Variants in NELL1 observed in about 807,000 individuals in gnomAD.
NELL1 encodes the protein neural EGFL like 1.
In NELL1, 76 loss-of-function variants were observed where a neutral mutation model predicts 107.4. That is an observed-to-expected ratio of 0.71 (90% confidence interval 0.59 to 0.86). NELL1 has a LOEUF of 0.86. Ranked by LOEUF, NELL1 falls within the 40% of genes least tolerant of loss-of-function variation. NELL1 has a pLI of 0.00. For missense variants in NELL1, 1,024 were observed against 1,005.5 expected (o/e 1.02, Z -0.25); for synonymous variants, 353 against 341.2 (o/e 1.03, Z -0.38).
chr11:21,108,662 G>A (rs771741220), intron 12 of NELL1, among the ~76,000 whole-genome samples: 8 of 152,064 alleles, frequency 5.3e-5, no homozygotes, highest in Non-Finnish European at 1.2e-4. Context: ...AGTCTCAAGC[G>A]TTATGAGTAG....
At chr11:21,276,222 T>A (rs942157574) in intron 14 of NELL1, among the ~76,000 whole-genome samples, 31 of 152,166 alleles carry the variant, frequency 2.0e-4, no homozygotes, top group Non-Finnish European at 4.1e-4. Flanking sequence ...ACAAAATCAA[T>A]GTGCAAAAAT....
intron 15 of NELL1, among the ~76,000 whole-genome samples, chr11:21,518,240 T>C (rs1055596029): frequency 1.3e-5 from 2 of 152,262 alleles, no homozygotes; most frequent in Non-Finnish European, 2.9e-5. Context: ...ACTTTTTCAT[T>C]ATGATGGTTA....
At chr11:20,903,478 A>AT (rs1849923433) in intron 5 of NELL1, among the ~76,000 whole-genome samples, 1 of 151,976 alleles carries the variant, frequency 6.6e-6, no homozygotes, top group Non-Finnish European at 1.5e-5. Flanking sequence ...GAACTGACAC[A>AT]TTTTTTTCAC....
chr11:20,694,236 TC>T (rs1854552920), intron 2 of NELL1, among the ~76,000 whole-genome samples: 1 of 152,144 alleles, frequency 6.6e-6, no homozygotes, highest in Non-Finnish European at 1.5e-5. Context: ...TTGAATTTCC[TC>T]CTGTAGCTCG....
At chr11:21,521,523 A>AT (rs35932463) in intron 15 of NELL1, among the ~76,000 whole-genome samples, 54,430 of 151,712 alleles carry the variant, frequency 0.36, 11,601 homozygotes, top group Non-Finnish European at 0.49. Flanking sequence ...TATATTGGTG[A>AT]TTTTTTTTGG....
At chr11:21,123,208 A>G (rs900392275) in intron 13 of NELL1, among the ~76,000 whole-genome samples, 3 of 152,184 alleles carry the variant, frequency 2.0e-5, no homozygotes, top group African/African-American at 7.2e-5. Context: ...TATACCTTAG[A>G]AAGATAAATA....
intron 17 of NELL1, among the ~76,000 whole-genome samples, chr11:21,561,023 A>G (rs781650031): frequency 6.6e-6 from 1 of 152,066 alleles, no homozygotes; most frequent in Non-Finnish European, 1.5e-5. Flanking sequence ...AAATGGGTCT[A>G]TTAAACTGTT....
At chr11:21,002,592 C>T (rs1249753165) in intron 12 of NELL1, among the ~76,000 whole-genome samples, 1 of 152,162 alleles carries the variant, frequency 6.6e-6, no homozygotes, top group Non-Finnish European at 1.5e-5. Context: ...TGCATTAAAC[C>T]TGCCTCTACA....
chr11:21,237,074 A>G (rs1437790205), intron 14 of NELL1, among the ~76,000 whole-genome samples: 3 of 152,078 alleles, frequency 2.0e-5, no homozygotes, highest in Non-Finnish European at 4.4e-5. Flanking sequence ...GAGATCTGTT[A>G]TGATACAGCC....
chr11:21,277,630 CA>C (rs1377921948), intron 14 of NELL1, among the ~76,000 whole-genome samples: 1 of 152,116 alleles, frequency 6.6e-6, no homozygotes, highest in African/African-American at 2.4e-5. Flanking sequence ...TTCATAATAG[CA>C]AAAACTTGGA....
intron 11 of NELL1, among the ~76,000 whole-genome samples, chr11:20,954,701 A>G (rs2134207112): frequency 6.6e-6 from 1 of 152,334 alleles, no homozygotes; most frequent in Admixed American, 6.5e-5. Context: ...AAAGGCCTCC[A>G]TTAATTTAAA....
intron 2 of NELL1, among the ~76,000 whole-genome samples, chr11:20,708,663 A>G (rs1442999229): frequency 6.7e-6 from 1 of 149,624 alleles, no homozygotes; most frequent in Non-Finnish European, 1.5e-5. Context: ...ATTTTCTCCC[A>G]CTCTTTTGGT....
chr11:20,891,921 C>A (rs1327916384), intron 5 of NELL1, among the ~76,000 whole-genome samples: 1 of 152,122 alleles, frequency 6.6e-6, no homozygotes, highest in South Asian at 2.1e-4. Context: ...TAGTGAGAGA[C>A]TTTAACACCC....
At chr11:21,143,588 T>C (rs570741158) in intron 13 of NELL1, among the ~76,000 whole-genome samples, 37 of 152,300 alleles carry the variant, frequency 2.4e-4, no homozygotes, top group African/African-American at 7.7e-4. Context: ...TCTTCAAACA[T>C]AAATATATCA....
At chr11:21,286,748 T>C (rs1849127761) in intron 14 of NELL1, among the ~76,000 whole-genome samples, 2 of 152,228 alleles carry the variant, frequency 1.3e-5, no homozygotes, top group East Asian at 1.9e-4. Flanking sequence ...GTAAAATTTT[T>C]CATTTCCACT....
chr11:21,570,944 T>G lies in NELL1; in HGVS notation c.2157+4T>G. ...CTGTCAGCAGTGTCGGTGTCTGGTA[T>G]GTTGGCTTCCTTTATAAGGTGTTGA... On this transcript the variant is annotated splice_donor_region_variant and intron_variant, in intron 18 of 19. Transcript: ENST00000357134. 1 of 1,610,370 alleles carries G rather than the reference T, an allele frequency of 6.2e-7. No homozygotes were observed. The highest frequency in any genetic ancestry group is 1.1e-5 in the South Asian group (1 of 90,858).
chr11:21,507,516 G>C (rs2133940090), intron 15 of NELL1, among the ~76,000 whole-genome samples: 1 of 152,260 alleles, frequency 6.6e-6, no homozygotes. Flanking sequence ...GGAAATGTTG[G>C]ATTCAAATAG....
intron 15 of NELL1, among the ~76,000 whole-genome samples, chr11:21,524,035 G>C (rs1381937977): frequency 1.3e-5 from 2 of 151,972 alleles, no homozygotes; most frequent in East Asian, 3.9e-4. Context: ...ATTCAACTCA[G>C]TATGTTTTTT....
chr11:21,242,147 A>G (rs1858379543), intron 14 of NELL1, among the ~76,000 whole-genome samples: 1 of 152,166 alleles, frequency 6.6e-6, no homozygotes, highest in Admixed American at 6.6e-5. Flanking sequence ...AAGATAAGTA[A>G]ATGATGGTAG....
Sources: gnomAD v4.1 joint callset for allele counts (sites outside exome capture counted in the v4.1 genomes callset) on GRCh38, gnomAD v4.1.1 for gene constraint, MANE v1.5 for transcripts, NCBI Gene and HGNC (gene_info 2026-07-23, HGNC 2026-07-21) for gene names.